The following LIN54 variants were observed in gnomAD, a reference collection of about 807,000 sequenced individuals.
The protein encoded by LIN54 is lin-54 DREAM MuvB core complex component.
LIN54 carries 9 observed loss-of-function variants against 78.7 expected under a neutral mutation model. The ratio of observed to expected loss-of-function variants is 0.11; its 90% CI spans 0.07 to 0.20. The LOEUF (loss-of-function observed/expected upper bound fraction) is 0.20, where lower values mean the gene tolerates loss of function less well. LIN54 is among the 10% of genes least tolerant of loss of function. The probability of loss-of-function intolerance (pLI) is 1.00; values close to 1 mark genes in which losing one functional copy is unlikely to be tolerated. For synonymous variants in LIN54, 269 were observed against 318.4 expected (o/e 0.84, Z 1.65); for missense variants, 573 against 889.9 (o/e 0.64, Z 4.53).
chr4:83,010,636 T>A lies in LIN54; in HGVS notation c.-185A>T. ...TCCCAGTTTGTCCAAACTGGAGCGCTCCAGGGTACCCGGGGACCGAGAAGG... is the reference window on the plus strand; with the variant it reads ...TCCCAGTTTGTCCAAACTGGAGCGCACCAGGGTACCCGGGGACCGAGAAGG... On this transcript the variant is annotated 5_prime_UTR_variant, in exon 1 of 13. Transcript: ENST00000340417. The A allele has an allele frequency of 1.6e-6, 2 of 1,230,218 alleles. No homozygotes were observed. Among genetic ancestry groups the A allele is most frequent in the Non-Finnish European group, 2.0e-6 (2 of 986,774 alleles). 76.2% of individuals were successfully genotyped at this position (1,230,218 alleles called of 1,614,324 possible).
rs1667740391 is a variant in LIN54, at chr4:82,984,578, G to T, written c.267C>A (p.Thr89=). ...NTTITKADSN[T]TVKPAFPSGL... Reference sequence around the variant, plus strand: ...CACTTGGAAAAGCTGGTTTCACTGTGGTATTAGAATCTGCTTTAGTAATTG... The same window carrying T: ...CACTTGGAAAAGCTGGTTTCACTGTTGTATTAGAATCTGCTTTAGTAATTG... Residue 89 remains threonine, a synonymous_variant, in exon 2 of 13, where the codon ACC becomes ACA. Transcript: ENST00000340417. The T allele has an allele frequency of 6.2e-7, 1 of 1,614,018 alleles. No individual in the cohort carries two copies. Among genetic ancestry groups the T allele is most frequent in the Admixed American group, 1.7e-5 (1 of 59,986 alleles).
At chr4:82,939,481 G>A (rs1722656998) in intron 7 of LIN54, 58 bp downstream of exon 7, 2 of 1,371,494 alleles carry the variant, frequency 1.5e-6, no homozygotes, top group Admixed American at 1.7e-5. Flanking sequence ...GATAGCACTA[G>A]ACATCTTGGA....
chr4:82,931,178 C>T, intron 11 of LIN54, 33 bp from the exon 12 acceptor site: 1 of 1,529,024 alleles, frequency 6.5e-7, no homozygotes, highest in Non-Finnish European at 9.1e-7. Context: ...GTTTCCAAAT[C>T]AAAACCAAAA....
intron 7 of LIN54, 81 bp downstream of exon 7, chr4:82,939,458 G>T: frequency 8.5e-7 from 1 of 1,171,348 alleles, no homozygotes; most frequent in Non-Finnish European, 1.3e-6. Flanking sequence ...AGATGTGTTT[G>T]AGTAGCTTCT....
chr4:82,968,513 C>T (rs901530265), intron 4 of LIN54, among the ~76,000 whole-genome samples: 2 of 151,990 alleles, frequency 1.3e-5, no homozygotes, highest in African/African-American at 2.4e-5. Context: ...CCTCTTTCAA[C>T]ACATCTCTCT....
chr4:82,934,100 A>G (rs1722190727), intron 11 of LIN54, among the ~76,000 whole-genome samples: 1 of 152,202 alleles, frequency 6.6e-6, no homozygotes, highest in Admixed American at 6.5e-5. Context: ...GGATTTTGAG[A>G]TGTTAAGACA....
chr4:82,947,963 A>G (rs1723539714), intron 4 of LIN54, among the ~76,000 whole-genome samples: 1 of 152,234 alleles, frequency 6.6e-6, no homozygotes. Context: ...TTAGTTCAGA[A>G]ACATTATAAA....
Position 82,928,054 on chromosome 4 carries a change from A to T in LIN54, c.*48T>A. Reference sequence around the variant, plus strand: ...CTTCCAGAAAATCAAGTGTCCCTGCACCTTAAATTTTCTGTACAGTTCCAT... The same window carrying T: ...CTTCCAGAAAATCAAGTGTCCCTGCTCCTTAAATTTTCTGTACAGTTCCAT... On this transcript the variant is annotated 3_prime_UTR_variant, in exon 13 of 13. Transcript: ENST00000340417. 2 of 1,499,430 alleles carry T rather than the reference A, an allele frequency of 1.3e-6. No homozygotes were observed. The highest frequency in any genetic ancestry group is 1.9e-6 in the Non-Finnish European group (2 of 1,075,898). The allele number at this position is 1,499,430 out of a possible 1,614,324, so 92.9% of individuals were successfully genotyped here. A position where few individuals can be genotyped will look rare whatever the true frequency, so the allele number is the denominator to read the frequency against.
In LIN54 at chr4:82,984,454, G is replaced by T; in HGVS notation, c.391C>A (p.Gln131Lys). The T allele has an allele frequency of 6.2e-7, 1 of 1,614,190 alleles. No homozygotes were observed. The highest frequency in any genetic ancestry group is 8.5e-7 in the Non-Finnish European group (1 of 1,180,038). ...TTCTGTCCATCTGGTTTAAGGGTCT[G>T]ATTGCCAAGTTTAAGATCAGATGTC... ...SQTSDLKLGN[Q>K]TLKPDGQKLI... The change falls in exon 2 of 13, where the codon CAG becomes AAG. Residue 131 changes from glutamine to lysine, a missense_variant. By Grantham distance (53) the Gln-to-Lys change is moderately conservative. This residue lies in a region of LIN54 where 183 missense variants were observed against 228.4 expected (regional missense o/e 0.80). Transcript: ENST00000340417.
rs1721636141 is a variant in LIN54 at position 82,928,138 on chromosome 4, T to C, written c.2214A>G (p.Gly738=). 1 of 1,614,270 alleles carries C rather than the reference T, an allele frequency of 6.2e-7. No homozygotes were observed. The highest frequency in any genetic ancestry group is 8.5e-7 in the Non-Finnish European group (1 of 1,180,054). Residue 738 remains glycine (G), a synonymous_variant, in exon 13 of 13, where the codon GGA becomes GGG. Coordinates refer to ENST00000340417, the MANE Select transcript of LIN54 (RefSeq NM_194282.4). ...TGGCACAAGGGTCACTTTTTGCCTT[T>C]CCTGCAGAGTTGATGACACTCATCA... ...RCLMSVINSA[G]KAKSDPCAMN... is the part of the protein sequence containing the mutation.
At chr4:82,932,657 TAA>T (rs780756470) in intron 11 of LIN54, among the ~76,000 whole-genome samples, 22 of 132,668 alleles carry the variant, frequency 1.7e-4, no homozygotes, top group Admixed American at 2.3e-4. Flanking sequence ...CATCTCTCTT[TAA>T]AAAAAAAAAA....
chr4:82,941,898 G>C (rs1722929157), intron 5 of LIN54, among the ~76,000 whole-genome samples: 1 of 152,224 alleles, frequency 6.6e-6, no homozygotes, highest in South Asian at 2.1e-4. Flanking sequence ...ATTCAGGAAA[G>C]ACATTGGCAC....
intron 4 of LIN54, among the ~76,000 whole-genome samples, chr4:82,963,581 G>A (rs1053782830): frequency 1.3e-5 from 2 of 151,994 alleles, no homozygotes; most frequent in African/African-American, 4.8e-5. Flanking sequence ...GGAGAAATCG[G>A]AAACACTCTA....
chr4:83,005,628 A>C (rs1289368294), intron 1 of LIN54, among the ~76,000 whole-genome samples: 1 of 99,642 alleles, frequency 1.0e-5, no homozygotes, highest in Non-Finnish European at 2.3e-5. Context: ...CCATCTCAGA[A>C]AAAAAAAAAA....
chr4:82,956,834 G>A (rs1186581004), intron 4 of LIN54, among the ~76,000 whole-genome samples: 7 of 151,832 alleles, frequency 4.6e-5, no homozygotes, highest in Non-Finnish European at 8.8e-5. Context: ...TGTTGCCCAG[G>A]CTGGTCTCGA....
intron 4 of LIN54, among the ~76,000 whole-genome samples, chr4:82,969,101 C>T (rs917106989): frequency 5.9e-5 from 9 of 152,180 alleles, no homozygotes; most frequent in South Asian, 4.1e-4. Context: ...TTAGCACCCT[C>T]GGCTCTCACA....
intron 1 of LIN54, among the ~76,000 whole-genome samples, chr4:82,991,776 T>A (rs1349702569): frequency 6.6e-6 from 1 of 152,214 alleles, no homozygotes; most frequent in East Asian, 1.9e-4. Context: ...TTTTAATCTG[T>A]GAATTATATT....
At chr4:82,951,930 G>A (rs559060574) in intron 4 of LIN54, among the ~76,000 whole-genome samples, 5 of 152,280 alleles carry the variant, frequency 3.3e-5, no homozygotes, top group African/African-American at 1.2e-4. Context: ...GTGCAAAACA[G>A]TGAAGTTGGA....
At chr4:83,001,896 AGGGAGGG>A (rs1728840892) in intron 1 of LIN54, among the ~76,000 whole-genome samples, 2 of 468 alleles carry the variant, frequency 4.3e-3, no homozygotes, top group African/African-American at 7.4e-3. Flanking sequence ...GGAAGGAAGG[AGGGAGGG>A]AGGGAGGGAG....
Sources: allele counts gnomAD v4.1 joint callset (sites outside exome capture counted in the v4.1 genomes callset), GRCh38; gene constraint gnomAD v4.1.1; regional missense constraint gnomAD v4.1.1; transcripts MANE v1.5; gene names NCBI Gene and HGNC (gene_info 2026-07-23, HGNC 2026-07-21).